The following SMYD3 variants were observed in gnomAD, a reference collection of about 807,000 sequenced individuals.
The protein encoded by SMYD3 is histone-lysine N-methyltransferase SMYD3.
In SMYD3, 36 loss-of-function variants were observed where a neutral mutation model predicts 57.7. That is an observed-to-expected ratio of 0.62 (90% CI 0.48 to 0.82). SMYD3 has a LOEUF of 0.82. SMYD3 is among the 40% of genes least tolerant of loss of function. The probability of loss-of-function intolerance (pLI) is 0.00; values close to 1 mark genes in which losing one functional copy is unlikely to be tolerated. For synonymous variants in SMYD3, 211 were observed against 195.0 expected, an observed-to-expected ratio of 1.08 and a Z score of -0.68; for missense variants, 515 against 538.8, an observed-to-expected ratio of 0.96 and a Z score of 0.44.
intron 10 of SMYD3, among the ~76,000 whole-genome samples, chr1:245,793,769 G>A (rs537458617): frequency 1.3e-5 from 2 of 152,072 alleles, no homozygotes; most frequent in Non-Finnish European, 2.9e-5. Flanking sequence ...GCAAATCCCT[G>A]ACCATGGCCC....
At chr1:245,842,712 TTTTAC>T (rs1558411005) in intron 10 of SMYD3, among the ~76,000 whole-genome samples, 2 of 152,174 alleles carry the variant, frequency 1.3e-5, no homozygotes, top group African/African-American at 4.8e-5. Flanking sequence ...TTAATTTTTA[TTTTAC>T]TTTTTTTTAG....
intron 1 of SMYD3, among the ~76,000 whole-genome samples, chr1:246,491,355 T>C (rs957693380): frequency 2.0e-5 from 3 of 152,048 alleles, no homozygotes; most frequent in Admixed American, 2.0e-4. Flanking sequence ...CTGGCCAACA[T>C]GGCAAAACTC....
intron 5 of SMYD3, among the ~76,000 whole-genome samples, chr1:246,099,068 T>C (rs989807764): frequency 6.6e-6 from 1 of 152,194 alleles, no homozygotes; most frequent in Non-Finnish European, 1.5e-5. Context: ...AGACCTACAA[T>C]AGTTTTCAAC....
chr1:246,376,063 T>C (rs1558431940), intron 1 of SMYD3, among the ~76,000 whole-genome samples: 1 of 152,154 alleles, frequency 6.6e-6, no homozygotes. Context: ...TTTTGGACTT[T>C]ATTATTACTT....
intron 5 of SMYD3, among the ~76,000 whole-genome samples, chr1:246,306,209 C>T (rs1330122575): frequency 3.3e-5 from 5 of 152,116 alleles, no homozygotes; most frequent in African/African-American, 1.2e-4. Context: ...CGTGGTGGCG[C>T]CTGCCTGTAG....
At chr1:245,815,982 G>C (rs2048781917) in intron 10 of SMYD3, among the ~76,000 whole-genome samples, 1 of 152,178 alleles carries the variant, frequency 6.6e-6, no homozygotes, top group Non-Finnish European at 1.5e-5. Flanking sequence ...CTGTAGGTGA[G>C]TAGGTAAGTT....
intron 5 of SMYD3, among the ~76,000 whole-genome samples, chr1:246,234,568 G>A (rs201625320): frequency 1.6e-4 from 14 of 86,826 alleles, no homozygotes; most frequent in East Asian, 1.7e-3. Flanking sequence ...TTCACACTGT[G>A]ATGAATATAT....
chr1:245,991,609 C>T (rs1005149018), intron 5 of SMYD3, among the ~76,000 whole-genome samples: 4 of 152,228 alleles, frequency 2.6e-5, no homozygotes, highest in South Asian at 2.1e-4. Context: ...AGTCACTCCC[C>T]GGCTGTTTGC....
intron 10 of SMYD3, among the ~76,000 whole-genome samples, chr1:245,784,600 AC>A (rs1380745563): frequency 1.3e-5 from 2 of 152,132 alleles, no homozygotes; most frequent in African/African-American, 2.4e-5. Flanking sequence ...GGGACTATCA[AC>A]AAGAGTACTT....
intron 5 of SMYD3, among the ~76,000 whole-genome samples, chr1:246,000,294 C>G (rs774189136): frequency 6.6e-6 from 1 of 151,858 alleles, no homozygotes; most frequent in African/African-American, 2.4e-5. Context: ...CGATAAGTGT[C>G]GGTTTTTTTC....
At chr1:245,799,799 C>CATCT (rs2047765624) in intron 10 of SMYD3, among the ~76,000 whole-genome samples, 1 of 151,778 alleles carries the variant, frequency 6.6e-6, no homozygotes, top group Non-Finnish European at 1.5e-5. Flanking sequence ...TCCACCTGTC[C>CATCT]ATCTGCCCAC....
At chr1:246,284,829 C>T (rs2064527500) in intron 5 of SMYD3, among the ~76,000 whole-genome samples, 1 of 152,196 alleles carries the variant, frequency 6.6e-6, no homozygotes, top group East Asian at 1.9e-4. Flanking sequence ...GTGAAACCAG[C>T]CTTACATTAT....
At chr1:246,208,404 CT>C (rs1286364673) in intron 5 of SMYD3, among the ~76,000 whole-genome samples, 1 of 152,124 alleles carries the variant, frequency 6.6e-6, no homozygotes, top group Non-Finnish European at 1.5e-5. Flanking sequence ...CTCACTAACA[CT>C]TCATGATAAT....
intron 5 of SMYD3, among the ~76,000 whole-genome samples, chr1:246,268,262 TGA>T (rs1395909731): frequency 6.6e-6 from 1 of 152,206 alleles, no homozygotes; most frequent in African/African-American, 2.4e-5. Context: ...AAGATGTCCA[TGA>T]GAGTGACCTC....
At chr1:246,275,873 A>G (rs999307787) in intron 5 of SMYD3, among the ~76,000 whole-genome samples, 3 of 151,678 alleles carry the variant, frequency 2.0e-5, no homozygotes, top group Admixed American at 6.6e-5. Context: ...TACTAGCCGT[A>G]TTAACACTGG....
At chr1:246,298,519 C>T (rs1409036739) in intron 5 of SMYD3, among the ~76,000 whole-genome samples, 3 of 152,042 alleles carry the variant, frequency 2.0e-5, no homozygotes, top group Non-Finnish European at 4.4e-5. Flanking sequence ...CATTTGTTCC[C>T]AAGTATCCCT....
At chr1:245,889,455 T>C (rs553644854) in intron 8 of SMYD3, among the ~76,000 whole-genome samples, 1 of 152,248 alleles carries the variant, frequency 6.6e-6, no homozygotes, top group South Asian at 2.1e-4. Flanking sequence ...CCACCAACCC[T>C]GCAGCCCTGA....
At chr1:245,807,641 T>C (rs576232260) in intron 10 of SMYD3, among the ~76,000 whole-genome samples, 2 of 152,086 alleles carry the variant, frequency 1.3e-5, no homozygotes, top group Non-Finnish European at 2.9e-5. Flanking sequence ...TCCTGGTTTC[T>C]AAGAAACCAA....
At chr1:245,895,771 G>T (rs1183478581) in intron 8 of SMYD3, among the ~76,000 whole-genome samples, 2 of 152,214 alleles carry the variant, frequency 1.3e-5, no homozygotes, top group East Asian at 1.9e-4. Flanking sequence ...TTCCCACACA[G>T]CACCAGCACA....
Sources: allele counts gnomAD v4.1 joint callset (sites outside exome capture counted in the v4.1 genomes callset), GRCh38; gene constraint gnomAD v4.1.1; transcripts MANE v1.5; gene names NCBI Gene and HGNC (gene_info 2026-07-23, HGNC 2026-07-21).